Variants in KCNU1 observed in about 807,000 individuals in gnomAD.
KCNU1 encodes potassium calcium-activated channel subfamily U member 1.
KCNU1 carries 93 observed loss-of-function variants against 126.8 expected under a neutral mutation model. The ratio of observed to expected loss-of-function variants is 0.73; its 90% CI spans 0.62 to 0.87. The LOEUF is 0.87. Ranked by LOEUF, KCNU1 falls within the 40% of genes least tolerant of loss-of-function variation. KCNU1 has a pLI of 0.00. For missense variants in KCNU1, 1,330 were observed against 1,367.1 expected, an observed-to-expected ratio of 0.97 and a Z score of 0.43; for synonymous variants, 523 against 494.2, an observed-to-expected ratio of 1.06 and a Z score of -0.77.
At chr8:36,844,024 AC>A (rs1413825283) in intron 16 of KCNU1, among the ~76,000 whole-genome samples, 1 of 152,152 alleles carries the variant, frequency 6.6e-6, no homozygotes, top group Non-Finnish European at 1.5e-5. Flanking sequence ...TTTTATTGTG[AC>A]AGTATCTTCA....
At chr8:36,883,002 C>A (rs1489669146) in intron 19 of KCNU1, among the ~76,000 whole-genome samples, 1 of 152,108 alleles carries the variant, frequency 6.6e-6, no homozygotes, top group Non-Finnish European at 1.5e-5. Flanking sequence ...TTATCTTTTG[C>A]ATTTCATTTA....
chr8:36,786,112 C>CA (rs553860650), intron 1 of KCNU1, among the ~76,000 whole-genome samples: 1,586 of 93,250 alleles, frequency 0.017, 13 homozygotes, highest in East Asian at 0.034. Flanking sequence ...TGGACAAATG[C>CA]AAAAAAAAAA....
In KCNU1 at chr8:36,906,881, C is replaced by T. The variant is rs982423348; in HGVS notation, c.2106+1077C>T. 3.3e-5 allele frequency among the ~76,000 whole-genome samples: 5 copies of T among 152,122 alleles called. No individual in the cohort carries two copies. In the East Asian group the frequency reaches 5.8e-4, roughly 18 times the overall value. On this transcript the variant is annotated intron_variant, in intron 20 of 26. Coordinates refer to ENST00000399881, the MANE Select transcript of KCNU1 (RefSeq NM_001031836.3). ...CTTATTCTGAACTGTACGAAATAAA[C>T]ATCCGTTGAGCAGGAAGCCAAACAT...
intron 2 of KCNU1, among the ~76,000 whole-genome samples, chr8:36,801,934 T>A (rs1585389360): frequency 6.6e-6 from 1 of 151,466 alleles, no homozygotes; most frequent in African/African-American, 2.4e-5. Flanking sequence ...CATTGTGAAA[T>A]CCCGTCTCTA....
chr8:36,901,695 T>A (rs946157373), intron 19 of KCNU1, among the ~76,000 whole-genome samples: 2 of 152,170 alleles, frequency 1.3e-5, no homozygotes, highest in African/African-American at 4.8e-5. Flanking sequence ...CATTGCTTCC[T>A]GGATGCTCCC....
chr8:36,826,273 G>GCA lies in KCNU1; in HGVS notation c.1107-7281_1107-7280insCA, dbSNP rs1563279125. On this transcript the variant is annotated intron_variant, in intron 10 of 26. Transcript: ENST00000399881. The stretch of plus-strand genomic sequence containing the variant: ...CACCCAGGCTGGAGCGCAGTGGCCT[G>GCA]ATCTTGGCTCACTGCAACCTCTGCC... Among the ~76,000 whole-genome samples, 852 of 151,844 alleles carry GCA rather than the reference G, an allele frequency of 5.6e-3. 10 individuals are homozygous for GCA. Among genetic ancestry groups the GCA allele is most frequent in the African/African-American group, 0.019 (808 of 41,444 alleles).
At chr8:36,865,832 G>C (rs1408410110) in intron 19 of KCNU1, among the ~76,000 whole-genome samples, 1 of 138,730 alleles carries the variant, frequency 7.2e-6, no homozygotes, top group Non-Finnish European at 1.6e-5. Flanking sequence ...CACACACACA[G>C]AATATTATTC....
intron 19 of KCNU1, among the ~76,000 whole-genome samples, chr8:36,873,436 T>C (rs1263802867): frequency 1.3e-5 from 2 of 152,196 alleles, no homozygotes; most frequent in African/African-American, 4.8e-5. Context: ...TACCCAACAC[T>C]ATAAATTATT....
intron 7 of KCNU1, among the ~76,000 whole-genome samples, chr8:36,812,251 G>C (rs1029334416): frequency 5.3e-5 from 8 of 151,560 alleles, no homozygotes; most frequent in Non-Finnish European, 1.2e-4. Flanking sequence ...GTGGTGGCAG[G>C]CACCTGCAAT....
At chr8:36,842,739 C>T (rs758638689) in intron 16 of KCNU1, among the ~76,000 whole-genome samples, 14 of 152,168 alleles carry the variant, frequency 9.2e-5, no homozygotes, top group Admixed American at 5.9e-4. Flanking sequence ...GGCACAATTT[C>T]GGCTCACTGC....
At chr8:36,849,220 CA>C (rs146404976) in intron 18 of KCNU1, among the ~76,000 whole-genome samples, 389 of 151,714 alleles carry the variant, frequency 2.6e-3, no homozygotes, top group African/African-American at 9.0e-3. Context: ...AAACGAAAAA[CA>C]AAAAAAAGGA....
chr8:36,835,328 A>G (rs1804707847), intron 12 of KCNU1, among the ~76,000 whole-genome samples: 1 of 149,036 alleles, frequency 6.7e-6, no homozygotes, highest in African/African-American at 2.5e-5. Flanking sequence ...ATCAGTAAGT[A>G]TTCTCTTTTC....
At chr8:36,786,212 C>T (rs1802705471) in intron 1 of KCNU1, among the ~76,000 whole-genome samples, 1 of 151,792 alleles carries the variant, frequency 6.6e-6, no homozygotes, top group African/African-American at 2.4e-5. Flanking sequence ...GCATTTAAAA[C>T]ATGTATTACA....
chr8:36,853,745 A>G (rs1383684954), intron 18 of KCNU1, among the ~76,000 whole-genome samples: 1 of 152,166 alleles, frequency 6.6e-6, no homozygotes, highest in Admixed American at 6.5e-5. Context: ...ATGGAATGTT[A>G]TATGGATGTC....
At chr8:36,855,853 C>T (rs1805510776) in intron 18 of KCNU1, among the ~76,000 whole-genome samples, 1 of 152,004 alleles carries the variant, frequency 6.6e-6, no homozygotes, top group African/African-American at 2.4e-5. Flanking sequence ...CAGCACTTTT[C>T]AATGACATCT....
intron 22 of KCNU1, 76 bp from the exon 23 acceptor site, chr8:36,918,747 A>G: frequency 1.1e-6 from 1 of 891,206 alleles, no homozygotes; most frequent in South Asian, 1.4e-5. Context: ...ACCAAGTTAC[A>G]TTATATTCTT....
At position 36,870,580 on chromosome 8, in the gene KCNU1, A is replaced by G. The variant is rs574702204; in HGVS notation, c.2009+6059A>G. Among the ~76,000 whole-genome samples the G allele has an allele frequency of 8.7e-4, 133 of 152,328 alleles. 2 individuals are homozygous for G. The South Asian group carries it at 0.016, about 19-fold the overall frequency. On this transcript the variant is annotated intron_variant, in intron 19 of 26. Coordinates refer to ENST00000399881, the MANE Select transcript of KCNU1 (RefSeq NM_001031836.3). ...ACCTAGTGGGGGCAGAAGATCGGAT[A>G]CAAATCACCGTACATGGCTCTTTTC... is the stretch of plus-strand genomic sequence containing the variant.
chr8:36,843,115 C>T (rs1249908573), intron 16 of KCNU1, among the ~76,000 whole-genome samples: 1 of 152,110 alleles, frequency 6.6e-6, no homozygotes, highest in Non-Finnish European at 1.5e-5. Context: ...ACCACATGCC[C>T]TTAAGATCTT....
chr8:36,797,741 C>G (rs1305507126), intron 2 of KCNU1, among the ~76,000 whole-genome samples: 1 of 151,854 alleles, frequency 6.6e-6, no homozygotes, highest in Non-Finnish European at 1.5e-5. Context: ...CTTGCTCTTA[C>G]AAGTAAACAA....
Sources: allele counts gnomAD v4.1 joint callset (sites outside exome capture counted in the v4.1 genomes callset), GRCh38; gene constraint gnomAD v4.1.1; transcripts MANE v1.5; gene names NCBI Gene and HGNC (gene_info 2026-07-23, HGNC 2026-07-21).